Variants in DOCK9 observed in about 807,000 individuals in gnomAD.
DOCK9 encodes the protein dedicator of cytokinesis protein 9.
In DOCK9, 89 loss-of-function variants were observed where a neutral mutation model predicts 263.3. That is an observed-to-expected ratio of 0.34 (90% CI 0.28 to 0.40). The LOEUF is 0.40. Among genes scored for constraint, DOCK9 ranks in the 10% least tolerant of loss-of-function variants. The probability of loss-of-function intolerance (pLI) is 1.00; values close to 1 mark genes in which losing one functional copy is unlikely to be tolerated. For synonymous variants in DOCK9, 976 were observed against 973.1 expected (o/e 1.00, Z -0.06); for missense variants, 2,140 against 2,603.4 (o/e 0.82, Z 3.87).
chr13:98,870,525 G>A (rs1250441709), intron 27 of DOCK9, among the ~76,000 whole-genome samples: 1 of 152,168 alleles, frequency 6.6e-6, no homozygotes, highest in Non-Finnish European at 1.5e-5. Flanking sequence ...GGTATCCCAA[G>A]AAATGCTTGT....
In DOCK9 at chr13:98,797,398, T is replaced by C; in HGVS notation, c.6008A>G (p.Glu2003Gly). The C allele has an allele frequency of 1.2e-6, 2 of 1,613,530 alleles. No homozygotes were observed. Among genetic ancestry groups the C allele is most frequent in the Non-Finnish European group, 1.7e-6 (2 of 1,179,666 alleles). Residue 2003 changes from glutamate to glycine, a missense_variant, in exon 51 of 53, where the codon GAA becomes GGA. Physicochemically the swap from Glu to Gly is moderately conservative, Grantham distance 98. Around this residue, in one of 2 missense-constraint regions of DOCK9, gnomAD observed 619 missense variants for 861.8 expected, o/e 0.72. Transcript: ENST00000682017. ...YPDNKVKLLK[E>G]VFRQFVEACG... Reference sequence around the variant, plus strand: ...TTTCAGTGTGCTTTACCTGAAAACTTCCTTAAGCAGCTTCACTTTATTGTC... The same window carrying C: ...TTTCAGTGTGCTTTACCTGAAAACTCCCTTAAGCAGCTTCACTTTATTGTC...
At chr13:99,085,702 G>A (rs2142520224) in intron 1 of DOCK9, among the ~76,000 whole-genome samples, 2 of 152,184 alleles carry the variant, frequency 1.3e-5, no homozygotes, top group African/African-American at 4.8e-5. Context: ...AGGAGAGGAT[G>A]CCGAAGTCCT....
At chr13:98,925,196 C>A (rs764600618) in intron 4 of DOCK9, among the ~76,000 whole-genome samples, 22 of 151,938 alleles carry the variant, frequency 1.4e-4, no homozygotes, top group Non-Finnish European at 2.8e-4. Flanking sequence ...ATAAATAAAT[C>A]TCTTTTCTTT....
intron 21 of DOCK9, 129 bp from the exon 22 acceptor site, chr13:98,884,028 C>A: frequency 1.6e-6 from 1 of 622,832 alleles, no homozygotes; most frequent in South Asian, 2.2e-5. Flanking sequence ...GGCGACTGTG[C>A]CGGGCCCATG....
At chr13:98,963,338 T>C (rs1366935183) in intron 1 of DOCK9, among the ~76,000 whole-genome samples, 1 of 151,804 alleles carries the variant, frequency 6.6e-6, no homozygotes, top group Non-Finnish European at 1.5e-5. Flanking sequence ...AAGCAGGAAA[T>C]GTTCTTAGTG....
chr13:98,882,150 G>GTC, intron 23 of DOCK9, 143 bp from the exon 24 acceptor site: 1 of 701,716 alleles, frequency 1.4e-6, no homozygotes, highest in South Asian at 1.8e-5. Context: ...CCCCAGAGGC[G>GTC]TCTGTGTCTT....
chr13:98,867,621 G>T, intron 29 of DOCK9, 85 bp from the exon 30 acceptor site: 1 of 891,158 alleles, frequency 1.1e-6, no homozygotes. Flanking sequence ...TAGTATGCTA[G>T]AAATAGTCAT....
chr13:99,006,597 T>A (rs1009945210), intron 1 of DOCK9, among the ~76,000 whole-genome samples: 1 of 152,232 alleles, frequency 6.6e-6, no homozygotes, highest in Non-Finnish European at 1.5e-5. Flanking sequence ...GAAATTTTTA[T>A]GGACAATTAT....
At chr13:98,798,379 G>T (rs756871844) in intron 50 of DOCK9, among the ~76,000 whole-genome samples, 7 of 152,192 alleles carry the variant, frequency 4.6e-5, no homozygotes, top group Admixed American at 1.3e-4. Flanking sequence ...CACACCAGAC[G>T]TGGAGACACA....
In DOCK9 at chr13:98,826,061, T is replaced by G. The variant is rs2092521717; in HGVS notation, c.5023+769A>C. The stretch of plus-strand genomic sequence containing the variant: ...TGGGGCTCTGCTGTTTCATTCCAAA[T>G]AGCCAGCTGCACCAGAAATATACAG... On this transcript the variant is annotated intron_variant, in intron 44 of 52. Transcript: ENST00000682017. The G allele has an allele frequency of 5.8e-6, 4 of 691,998 alleles. No homozygotes were observed. The Admixed American group carries it at 1.6e-4, about 28-fold the overall frequency. 42.9% of individuals were successfully genotyped at this position (691,998 alleles called of 1,614,324 possible). A position where few individuals can be genotyped will look rare whatever the true frequency, so the allele number is the denominator to read the frequency against.
chr13:99,046,541 T>G (rs1412666316), intron 1 of DOCK9, among the ~76,000 whole-genome samples: 1 of 152,174 alleles, frequency 6.6e-6, no homozygotes, highest in Non-Finnish European at 1.5e-5. Flanking sequence ...GTCTCGACAG[T>G]AAACACCTCA....
At chr13:98,999,050 T>C (rs1233281650) in intron 1 of DOCK9, among the ~76,000 whole-genome samples, 1 of 151,988 alleles carries the variant, frequency 6.6e-6, no homozygotes, top group Non-Finnish European at 1.5e-5. Context: ...ATTTGTATCA[T>C]CTCCCCCTTT....
At chr13:98,950,032 C>T (rs2057220457) in intron 2 of DOCK9, 2 of 476,022 alleles carry the variant, frequency 4.2e-6, no homozygotes, top group African/African-American at 3.9e-5. Context: ...TTGGAAATCC[C>T]CAGTTCACAT....
At chr13:99,032,344 C>T (rs1210463056) in intron 1 of DOCK9, among the ~76,000 whole-genome samples, 2 of 151,988 alleles carry the variant, frequency 1.3e-5, no homozygotes, top group Non-Finnish European at 2.9e-5. Context: ...GAAGTGGCGG[C>T]GTGTGCCTGT....
chr13:98,905,778 TAA>T (rs60175188), intron 9 of DOCK9, among the ~76,000 whole-genome samples: 85,018 of 148,368 alleles, frequency 0.57, 24,228 homozygotes, highest in Middle Eastern at 0.61. Context: ...TGCTTTCACT[TAA>T]AAAAAAAAAA....
chr13:98,880,201 G>A (rs1489192489), intron 26 of DOCK9, among the ~76,000 whole-genome samples: 1 of 152,080 alleles, frequency 6.6e-6, no homozygotes, highest in East Asian at 1.9e-4. Flanking sequence ...CCTGTGCTCA[G>A]CGTGGCACAA....
At chr13:98,917,327 T>C (rs1382581394) in intron 7 of DOCK9, among the ~76,000 whole-genome samples, 2 of 152,176 alleles carry the variant, frequency 1.3e-5, no homozygotes, top group Non-Finnish European at 2.9e-5. Context: ...TGCCAGAAAA[T>C]TCAGCTAAAA....
At position 99,004,101 on chromosome 13, in the gene DOCK9, CCTT is replaced by C. The variant is rs1882873966; in HGVS notation, c.130-48553_130-48551del. ...GCTCCCTCTGCAGAAACGTCCCTCT[CCTT>C]CTCCTTCACCTGGTTAAATCCTTCT... On this transcript the variant is annotated intron_variant, in intron 1 of 32. Coordinates refer to the DOCK9 transcript ENST00000427887. Among the ~76,000 whole-genome samples the C allele has an allele frequency of 3.9e-5, 6 of 152,172 alleles. No individual in the cohort carries two copies. In the South Asian group the frequency reaches 1.2e-3, roughly 32 times the overall value.
In DOCK9 at chr13:98,885,104, A is replaced by G. The variant is rs1344157968; in HGVS notation, c.2261-12T>C. The G allele has an allele frequency of 6.2e-7, 1 of 1,613,256 alleles. No homozygotes were observed. The highest frequency in any genetic ancestry group is 1.7e-5 in the Admixed American group (1 of 59,928). On this transcript the variant is annotated splice_polypyrimidine_tract_variant and intron_variant, in intron 20 of 52. Transcript: ENST00000682017. ...CCAGGAGTAGCCAACTGTTGAAAACAAAGAACAACAACAACAACAGAACAC... is the reference window on the plus strand; with the variant it reads ...CCAGGAGTAGCCAACTGTTGAAAACGAAGAACAACAACAACAACAGAACAC...
Sources: allele counts gnomAD v4.1 joint callset (sites outside exome capture counted in the v4.1 genomes callset), GRCh38; gene constraint gnomAD v4.1.1; regional missense constraint gnomAD v4.1.1; transcripts MANE v1.5; gene names NCBI Gene and HGNC (gene_info 2026-07-23, HGNC 2026-07-21).